Variants in CSNK1E observed in about 807,000 individuals in gnomAD.
The protein encoded by CSNK1E is casein kinase I isoform epsilon.
Under a neutral mutation model 46.1 loss-of-function variants are expected in CSNK1E, and 17 were observed. The ratio of observed to expected loss-of-function variants is 0.37; its 90% CI spans 0.25 to 0.55. The LOEUF is 0.55. CSNK1E is among the 20% of genes least tolerant of loss of function. The pLI is 0.82. For missense variants in CSNK1E, 386 were observed against 595.4 expected (o/e 0.65, Z 3.66); for synonymous variants, 241 against 242.6 (o/e 0.99, Z 0.06).
In CSNK1E at chr22:38,303,258, G is replaced by T; in HGVS notation, c.77-10C>A. 2 of 1,589,686 alleles carry T rather than the reference G, an allele frequency of 1.3e-6. No individual in the cohort carries two copies. Among genetic ancestry groups the T allele is most frequent in the Admixed American group, 1.7e-5 (1 of 57,594 alleles). On this transcript the variant is annotated splice_polypyrimidine_tract_variant and intron_variant, in intron 2 of 10. Transcript: ENST00000396832. This position sits in a 1 kb window ranked among gnomAD's most constrained non-coding sequence, Gnocchi z 4.7. ...GAGGCGATGTTGGCACCTGCCCGGG[G>T]CAGGGAGGCAAGGGACCAGGGTCAC...
chr22:38,294,883 C>G lies in CSNK1E; in HGVS notation c.886-349G>C, dbSNP rs2075984. ...CTGGGGCTGGGCCTGCCCTGGCCCC[C>G]CTCTGTGTACCAAGAGCCCTTAACT... On this transcript the variant is annotated intron_variant, in intron 7 of 10. Coordinates refer to ENST00000396832, the MANE Select transcript of CSNK1E (RefSeq NM_152221.3). The surrounding 1 kb of genome is among the most constrained non-coding windows in gnomAD (Gnocchi z 5.5). 1.5e-4 allele frequency among the ~76,000 whole-genome samples: 23 copies of G among 152,018 alleles called. No individual in the cohort carries two copies. Among genetic ancestry groups the G allele is most frequent in the African/African-American group, 5.1e-4 (21 of 41,412 alleles).
Position 38,293,278 on chromosome 22 carries a change from G to A in CSNK1E, c.*9C>T, listed in dbSNP as rs201579666. 1.5e-4 allele frequency: 239 copies of A among 1,613,102 alleles called. No individual in the cohort carries two copies. The highest frequency in any genetic ancestry group is 1.9e-4 in the Non-Finnish European group (230 of 1,179,738). ...ACCTAAGCAAACACTGGTCCAATGG[G>A]GGCTCTCCTCACTTCCCGAGATGGT... On this transcript the variant is annotated 3_prime_UTR_variant, in exon 10 of 11. Transcript: ENST00000396832.
chr22:38,314,204 G>C (rs761215064), intron 1 of CSNK1E, 35 bp from the exon 2 acceptor site: 1 of 1,576,430 alleles, frequency 6.3e-7, no homozygotes, highest in African/African-American at 1.3e-5. Context: ...GGTCAGCGAC[G>C]TGGGGAGCCG....
In CSNK1E at chr22:38,296,537, C is replaced by T; in HGVS notation, c.886-2003G>A. On this transcript the variant is annotated intron_variant, in intron 7 of 10. Coordinates refer to ENST00000396832, the MANE Select transcript of CSNK1E (RefSeq NM_152221.3). ...GGGGACTGCTGGAGGTGGTTCAGCTCACTACAGTGGCCGTGGCATTGAGTC... is the reference window on the plus strand; with the variant it reads ...GGGGACTGCTGGAGGTGGTTCAGCTTACTACAGTGGCCGTGGCATTGAGTC... 2.5e-6 allele frequency: 4 copies of T among 1,609,374 alleles called. No homozygotes were observed. The South Asian group carries it at 4.4e-5, about 18-fold the overall frequency.
intron 9 of CSNK1E, 40 bp from the exon 10 acceptor site, chr22:38,293,359 A>G (rs1602538407): frequency 1.6e-6 from 2 of 1,287,378 alleles, no homozygotes; most frequent in Non-Finnish European, 1.1e-6. Context: ...AGGGAGAGAG[A>G]GGGAGGTACA....
At position 38,303,135 on chromosome 22, in the gene CSNK1E, C is replaced by T. The variant is rs774157926; in HGVS notation, c.187+3G>A. 3.1e-6 allele frequency: 5 copies of T among 1,606,594 alleles called. No homozygotes were observed. In the African/African-American group the frequency reaches 6.7e-5, roughly 21 times the overall value. ...CGCCCGCCGCCGCCCACCCTGCGCTCACCGCCACCCTGCATCATCTTGTAG... is the reference window on the plus strand; with the variant it reads ...CGCCCGCCGCCGCCCACCCTGCGCTTACCGCCACCCTGCATCATCTTGTAG... On this transcript the variant is annotated splice_donor_region_variant and intron_variant, in intron 3 of 10. Transcript: ENST00000396832. The surrounding 1 kb of genome is among the most constrained non-coding windows in gnomAD (Gnocchi z 4.7).
Position 38,293,283 on chromosome 22 carries a change from C to G in CSNK1E, c.*4G>C. On this transcript the variant is annotated 3_prime_UTR_variant, in exon 10 of 11. Transcript: ENST00000396832. ...AGCAAACACTGGTCCAATGGGGGCT[C>G]TCCTCACTTCCCGAGATGGTCAAAT... 2.5e-6 allele frequency: 4 copies of G among 1,613,020 alleles called. No homozygotes were observed. In the East Asian group the frequency reaches 8.9e-5, roughly 36 times the overall value.
Position 38,293,046 on chromosome 22 carries a change from T to C in CSNK1E, c.*32+209A>G. 4 of 573,946 alleles carry C rather than the reference T, an allele frequency of 7.0e-6. No homozygotes were observed. In the South Asian group the frequency reaches 8.2e-5, roughly 12 times the overall value. 35.6% of individuals were successfully genotyped at this position (573,946 alleles called of 1,614,324 possible). ...CCAGCAGAAACTAATCCATGAGGGGTCAGGCCTGAGCATAGAAACCCTTGG... is the reference window on the plus strand; with the variant it reads ...CCAGCAGAAACTAATCCATGAGGGGCCAGGCCTGAGCATAGAAACCCTTGG... On this transcript the variant is annotated intron_variant, in intron 10 of 10. Transcript: ENST00000396832.
Position 38,299,877 on chromosome 22 carries a change from T to G in CSNK1E, c.736+18A>C. On this transcript the variant is annotated intron_variant, in intron 6 of 10. Coordinates refer to ENST00000396832, the MANE Select transcript of CSNK1E (RefSeq NM_152221.3). The stretch of plus-strand genomic sequence containing the variant: ...CTCAGGGGCCCCCAGGCATGTCCCC[T>G]CCCACTGGGCTACTCACAGGGATAG... The G allele has an allele frequency of 6.2e-7, 1 of 1,609,808 alleles. No homozygotes were observed. The highest frequency in any genetic ancestry group is 8.5e-7 in the Non-Finnish European group (1 of 1,176,636).
At chr22:38,311,277 G>C (rs1199046239) in intron 2 of CSNK1E, among the ~76,000 whole-genome samples, 1 of 152,184 alleles carries the variant, frequency 6.6e-6, no homozygotes, top group Non-Finnish European at 1.5e-5. Flanking sequence ...AGCGCATACA[G>C]CTCACAAAAG....
intron 2 of CSNK1E, among the ~76,000 whole-genome samples, chr22:38,305,047 A>G (rs979981697): frequency 1.7e-4 from 25 of 144,212 alleles, no homozygotes; most frequent in African/African-American, 6.4e-4. Flanking sequence ...ACTTGAACCC[A>G]GGAGGCGGAG....
At chr22:38,305,064 G>T (rs909758526) in intron 2 of CSNK1E, among the ~76,000 whole-genome samples, 2 of 137,790 alleles carry the variant, frequency 1.5e-5, no homozygotes, top group Non-Finnish European at 3.0e-5. Context: ...GGAGGTTGCA[G>T]TGAGCCGAGA....
intron 9 of CSNK1E, chr22:38,293,858 G>T: frequency 1.9e-6 from 1 of 537,844 alleles, no homozygotes; most frequent in Non-Finnish European, 3.3e-6. Context: ...CTGGCAGCGA[G>T]GACTGGAGCC....
intron 7 of CSNK1E, chr22:38,296,548 C>T (rs1360940041): frequency 6.2e-7 from 1 of 1,611,364 alleles, no homozygotes; most frequent in African/African-American, 1.3e-5. Context: ...ACTACAGTGG[C>T]CGTGGCATTG....
Position 38,298,103 on chromosome 22 carries a change from G to C in CSNK1E, c.885+683C>G. ...CTCAGAGGATCCTTACCAGTACGTG[G>C]GTGAGTACGTGGGCCCAGCACAGGG... On this transcript the variant is annotated intron_variant, in intron 7 of 10. Coordinates refer to ENST00000396832, the MANE Select transcript of CSNK1E (RefSeq NM_152221.3). This position sits in a 1 kb window ranked among gnomAD's most constrained non-coding sequence, Gnocchi z 4.2. 1 of 1,256,060 alleles carries C rather than the reference G, an allele frequency of 8.0e-7. No individual in the cohort carries two copies. The highest frequency in any genetic ancestry group is 1.0e-6 in the Non-Finnish European group (1 of 965,058). The allele number at this position is 1,256,060 out of a possible 1,614,324, so 77.8% of individuals were successfully genotyped here. A position where few individuals can be genotyped will look rare whatever the true frequency, so the allele number is the denominator to read the frequency against.
chr22:38,312,098 C>T (rs1018432586), intron 2 of CSNK1E, among the ~76,000 whole-genome samples: 1 of 152,168 alleles, frequency 6.6e-6, no homozygotes, highest in African/African-American at 2.4e-5. Context: ...GCCATATCTC[C>T]TGGCCTCCTT....
In CSNK1E at chr22:38,297,689, C is replaced by T. The variant is rs563976464; in HGVS notation, c.885+1097G>A. ...CTATGAGTCTGTCCTGGGACCCGTTCCCACCAGGCCCCTTGTGGGCAGTGG... is the reference window on the plus strand; with the variant it reads ...CTATGAGTCTGTCCTGGGACCCGTTTCCACCAGGCCCCTTGTGGGCAGTGG... On this transcript the variant is annotated intron_variant, in intron 7 of 10. Coordinates refer to ENST00000396832, the MANE Select transcript of CSNK1E (RefSeq NM_152221.3). The T allele has an allele frequency of 3.0e-5, 30 of 994,172 alleles. No individual in the cohort carries two copies. In the South Asian group the frequency reaches 1.2e-3, roughly 38 times the overall value. 61.6% of individuals were successfully genotyped at this position (994,172 alleles called of 1,614,324 possible).
At chr22:38,314,234 C>A in intron 1 of CSNK1E, 65 bp from the exon 2 acceptor site, 1 of 1,292,766 alleles carries the variant, frequency 7.7e-7, no homozygotes, top group Non-Finnish European at 1.1e-6. Flanking sequence ...TCCAGTCCAC[C>A]AAGGCCAGGC....
In CSNK1E at chr22:38,298,690, C is replaced by A; in HGVS notation, c.885+96G>T. ...TGTCCAGCTCGTACCTCCCGTCTGT[C>A]GGGAGCCCCTCCCGCCACCAGCTCA... On this transcript the variant is annotated intron_variant, in intron 7 of 10. Transcript: ENST00000396832. This position sits in a 1 kb window ranked among gnomAD's most constrained non-coding sequence, Gnocchi z 4.2. 1 of 1,435,790 alleles carries A rather than the reference C, an allele frequency of 7.0e-7. No homozygotes were observed. The allele number at this position is 1,435,790 out of a possible 1,614,324, so 88.9% of individuals were successfully genotyped here.
Sources: gnomAD v4.1 joint callset for allele counts (sites outside exome capture counted in the v4.1 genomes callset) on GRCh38, gnomAD v4.1.1 for gene constraint, Gnocchi (gnomAD v3.1) non-coding constraint, MANE v1.5 for transcripts, NCBI Gene and HGNC (gene_info 2026-07-23, HGNC 2026-07-21) for gene names.